Variants in KALRN observed in about 807,000 individuals in gnomAD.
KALRN encodes the protein kalirin RhoGEF kinase.
In KALRN, 70 loss-of-function variants were observed where a neutral mutation model predicts 353.7. That is an observed-to-expected ratio of 0.20 (90% CI 0.16 to 0.24). The LOEUF is 0.24. KALRN is among the 10% of genes least tolerant of loss of function. The pLI is 1.00. For synonymous variants in KALRN, 1,391 were observed against 1,434.8 expected, an observed-to-expected ratio of 0.97 and a Z score of 0.69; for missense variants, 2,791 against 3,756.7, an observed-to-expected ratio of 0.74 and a Z score of 6.72.
intron 57 of KALRN, among the ~76,000 whole-genome samples, chr3:124,705,145 T>C (rs1361903704): frequency 6.6e-6 from 1 of 152,154 alleles, no homozygotes; most frequent in African/African-American, 2.4e-5. Context: ...TCACTGGAAA[T>C]GCTGACCCAT....
In KALRN at chr3:124,637,269, T is replaced by C. The variant is rs753467573; in HGVS notation, c.5630T>C (p.Val1877Ala). 2 of 1,614,052 alleles carry C rather than the reference T, an allele frequency of 1.2e-6. No homozygotes were observed. Among genetic ancestry groups the C allele is most frequent in the South Asian group, 1.1e-5 (1 of 91,076 alleles). Residue 1877 changes from valine to alanine, a missense_variant, in exon 37 of 60, where the codon GTC (valine) becomes GCC (alanine). Coordinates refer to ENST00000682506, the MANE Select transcript of KALRN (RefSeq NM_001388419.1). ...GAAGTACCTACTGCTGCAGACCTTG[T>C]CAATGCAATAGAAAAGTTGGTCAAA... Reference protein sequence around the residue: ...STEVPTAADLVNAIEKLVKNK... With the variant: ...STEVPTAADLANAIEKLVKNK...
At chr3:124,716,612 C>T (rs1381829805) in intron 58 of KALRN, among the ~76,000 whole-genome samples, 2 of 152,088 alleles carry the variant, frequency 1.3e-5, no homozygotes, top group East Asian at 3.9e-4. Context: ...CAAACTTTGC[C>T]TACTTTCTGT....
intron 3 of KALRN, among the ~76,000 whole-genome samples, chr3:124,245,195 A>G (rs1223762045): frequency 2.6e-5 from 4 of 151,706 alleles, no homozygotes; most frequent in Non-Finnish European, 4.4e-5. Context: ...TACCTGTGTG[A>G]GTTGTTTTTT....
intron 27 of KALRN, among the ~76,000 whole-genome samples, chr3:124,480,787 A>G (rs751454489): frequency 3.9e-5 from 6 of 152,192 alleles, no homozygotes; most frequent in Non-Finnish European, 8.8e-5. Flanking sequence ...TGGACATTTC[A>G]TAAAATTGAG....
At chr3:124,461,816 G>T (rs1023428086) in intron 23 of KALRN, 74 bp from the exon 24 acceptor site, 2 of 1,024,592 alleles carry the variant, frequency 2.0e-6, no homozygotes, top group Admixed American at 1.8e-5. Flanking sequence ...ACATGCTGGG[G>T]TGGGGAAGTG....
At chr3:124,416,917 T>C (rs373948262) in intron 14 of KALRN, among the ~76,000 whole-genome samples, 1 of 152,392 alleles carries the variant, frequency 6.6e-6, no homozygotes, top group East Asian at 1.9e-4. Context: ...GCTTATGCTT[T>C]GATTTTACAG....
intron 1 of KALRN, among the ~76,000 whole-genome samples, chr3:124,111,727 A>G (rs2062994505): frequency 6.6e-6 from 1 of 152,222 alleles, no homozygotes; most frequent in South Asian, 2.1e-4. Context: ...CATTGAAAAC[A>G]CACTTTGTAA....
chr3:124,657,530 A>G lies in KALRN; in HGVS notation c.5945A>G (p.Gln1982Arg). The change falls in exon 40 of 60, where the codon CAG (glutamine) becomes CGG (arginine). Residue 1982 changes from glutamine to arginine, a missense_variant. Physicochemically the swap from Gln to Arg is conservative, Grantham distance 43. Transcript: ENST00000682506. ...AAAATCGTGTTTGGAAATATTCATC[A>G]GATTTATGACTGGCATAAGGAGTAA... ...KDKIVFGNIHQIYDWHKDFFL... is the reference protein window; with the variant it reads ...KDKIVFGNIHRIYDWHKDFFL... The G allele has an allele frequency of 6.2e-7, 1 of 1,613,728 alleles. No homozygotes were observed. The highest frequency in any genetic ancestry group is 8.5e-7 in the Non-Finnish European group (1 of 1,179,574).
rs2073293333 is a variant in KALRN at position 124,264,684 on chromosome 3, C to T, written c.450C>T (p.Ile150=). The change falls in exon 4 of 60, where the codon ATC becomes ATT. Residue 150 remains isoleucine, a synonymous_variant. Coordinates refer to ENST00000682506, the MANE Select transcript of KALRN (RefSeq NM_001388419.1). The part of the protein sequence containing the change: ...QKTNFGSSKF[I]FETSMVSVEG... ...CCAACTTTGGCAGCTCCAAATTCAT[C>T]TTTGAGGTGAGCCAGATTTCTCTCT... The T allele has an allele frequency of 6.2e-7, 1 of 1,613,902 alleles. No individual in the cohort carries two copies. Among genetic ancestry groups the T allele is most frequent in the Non-Finnish European group, 8.5e-7 (1 of 1,179,862 alleles).
intron 18 of KALRN, among the ~76,000 whole-genome samples, chr3:124,439,842 T>A (rs758579863): frequency 6.6e-6 from 1 of 152,236 alleles, no homozygotes; most frequent in African/African-American, 2.4e-5. Flanking sequence ...TGATCGCCTC[T>A]CTTCTGTGTT....
chr3:124,477,615 A>G (rs1038402522), intron 27 of KALRN, among the ~76,000 whole-genome samples: 1 of 152,208 alleles, frequency 6.6e-6, no homozygotes, highest in Non-Finnish European at 1.5e-5. Flanking sequence ...GAGGGCCACT[A>G]TGATGCAGTT....
At chr3:124,382,885 G>C (rs573003785) in intron 10 of KALRN, among the ~76,000 whole-genome samples, 1 of 152,126 alleles carries the variant, frequency 6.6e-6, no homozygotes, top group South Asian at 2.1e-4. Flanking sequence ...CATTCCCCTT[G>C]TCTCCCTGCA....
intron 37 of KALRN, 48 bp downstream of exon 37, chr3:124,637,351 C>G: frequency 1.5e-6 from 2 of 1,320,580 alleles, no homozygotes; most frequent in Non-Finnish European, 2.2e-6. Flanking sequence ...CACCTTCACA[C>G]TGCTCCAGGC....
chr3:124,270,762 G>A (rs1294092366), intron 5 of KALRN, among the ~76,000 whole-genome samples: 1 of 151,926 alleles, frequency 6.6e-6, no homozygotes, highest in Non-Finnish European at 1.5e-5. Flanking sequence ...GTTCTGTGAA[G>A]CCAGAATCAG....
At chr3:124,289,992 A>C (rs2076285945) in intron 5 of KALRN, among the ~76,000 whole-genome samples, 1 of 152,182 alleles carries the variant, frequency 6.6e-6, no homozygotes, top group Admixed American at 6.5e-5. Flanking sequence ...TGAAGGACAC[A>C]AAAGGAAGCC....
chr3:124,572,324 C>CA (rs34180333), intron 34 of KALRN, among the ~76,000 whole-genome samples: 43,056 of 136,476 alleles, frequency 0.32, 6,451 homozygotes, highest in East Asian at 0.4. Flanking sequence ...GACCCCATCT[C>CA]AAAAAAAAAC....
intron 1 of KALRN, among the ~76,000 whole-genome samples, chr3:124,049,396 A>C (rs1157177049): frequency 6.6e-6 from 1 of 152,168 alleles, no homozygotes; most frequent in Non-Finnish European, 1.5e-5. Context: ...TACAGATGGG[A>C]TCTCTCTTTC....
At chr3:124,044,614 C>CAA (rs758755114) in intron 1 of KALRN, among the ~76,000 whole-genome samples, 8 of 67,226 alleles carry the variant, frequency 1.2e-4, no homozygotes, top group African/African-American at 3.6e-4. Context: ...ACTCTGTCTC[C>CAA]AAAAAAAAAA....
At chr3:124,294,521 T>TC (rs1491588377) in intron 5 of KALRN, among the ~76,000 whole-genome samples, 7 of 60,194 alleles carry the variant, frequency 1.2e-4, no homozygotes, top group South Asian at 1.8e-3. Context: ...GATTCTCTTC[T>TC]TTTTTTTTTT....
Sources: allele counts gnomAD v4.1 joint callset (sites outside exome capture counted in the v4.1 genomes callset), GRCh38; gene constraint gnomAD v4.1.1; transcripts MANE v1.5; gene names NCBI Gene and HGNC (gene_info 2026-07-23, HGNC 2026-07-21).